Variants in GRID2 observed in about 807,000 individuals in gnomAD.
GRID2 encodes the protein glutamate ionotropic receptor delta type subunit 2, also known as glutamate receptor ionotropic, delta-2.
GRID2 carries 33 observed loss-of-function variants against 114.8 expected under a neutral mutation model. The observed-to-expected ratio is 0.29, with a 90% CI of 0.22 to 0.38. GRID2 has a LOEUF of 0.38. GRID2 is among the 10% of genes least tolerant of loss of function. GRID2 has a pLI of 1.00. For missense variants in GRID2, 1,184 were observed against 1,257.7 expected, an observed-to-expected ratio of 0.94 and a Z score of 0.89; for synonymous variants, 505 against 449.9, an observed-to-expected ratio of 1.12 and a Z score of -1.55.
At chr4:92,715,064 T>G (rs988147761) in intron 2 of GRID2, among the ~76,000 whole-genome samples, 2 of 152,194 alleles carry the variant, frequency 1.3e-5, no homozygotes, top group African/African-American at 2.4e-5. Context: ...CTCTTTCCCT[T>G]ATGACATTGA....
chr4:93,496,022 T>A (rs898085211), intron 12 of GRID2, among the ~76,000 whole-genome samples: 2 of 151,666 alleles, frequency 1.3e-5, no homozygotes, highest in Non-Finnish European at 2.9e-5. Context: ...AGGTCTACTA[T>A]TCGTGGGCCC....
chr4:92,736,032 A>G (rs1181947140), intron 2 of GRID2, among the ~76,000 whole-genome samples: 1 of 152,130 alleles, frequency 6.6e-6, no homozygotes, highest in Admixed American at 6.6e-5. Context: ...GAACCTGCAA[A>G]TATGTTAACT....
chr4:92,588,424 G>A (rs200103168), intron 1 of GRID2, among the ~76,000 whole-genome samples: 1 of 151,384 alleles, frequency 6.6e-6, no homozygotes, highest in African/African-American at 2.4e-5. Flanking sequence ...CGCCTGTAAT[G>A]CCAGCACTTT....
chr4:93,086,404 A>G (rs1189024299), intron 3 of GRID2, among the ~76,000 whole-genome samples: 1 of 152,212 alleles, frequency 6.6e-6, no homozygotes, highest in Non-Finnish European at 1.5e-5. Context: ...AGTGCCATCA[A>G]TAGAATTGAG....
intron 2 of GRID2, among the ~76,000 whole-genome samples, chr4:93,083,559 G>A (rs1271462151): frequency 6.6e-6 from 1 of 151,862 alleles, no homozygotes; most frequent in Admixed American, 6.6e-5. Flanking sequence ...AGCTGGGCTT[G>A]GTGGCACAGG....
rs1184003180 is a variant in GRID2 at position 93,638,301 on chromosome 4, C to CTT, written c.2360+11883_2360+11884dup. Among the ~76,000 whole-genome samples the CTT allele has an allele frequency of 5.2e-5, 4 of 77,314 alleles. 1 individual carries two copies. The highest frequency in any genetic ancestry group is 1.4e-4 in the African/African-American group (2 of 14,760). The allele number at this position is 77,314 out of a possible 152,430, so 50.7% of individuals were successfully genotyped here. A position where few individuals can be genotyped will look rare whatever the true frequency, so the allele number is the denominator to read the frequency against. On this transcript the variant is annotated intron_variant, in intron 14 of 15. Coordinates refer to ENST00000282020, the MANE Select transcript of GRID2 (RefSeq NM_001510.4). ...AAGAAAACATATTTAAAACTTGCATCTTTTTTTTTTTTTTTTTTAATTATA... is the reference window on the plus strand; with the variant it reads ...AAGAAAACATATTTAAAACTTGCATCTTTTTTTTTTTTTTTTTTTTAATTATA...
intron 13 of GRID2, among the ~76,000 whole-genome samples, chr4:93,608,312 T>TTTTA (rs1740526034): frequency 8.5e-6 from 1 of 117,468 alleles, no homozygotes; most frequent in Non-Finnish European, 1.7e-5. Context: ...TTTTTTTTAA[T>TTTTA]TTTTTTTTTT....
rs542695724 is a variant in GRID2 at position 93,547,978 on chromosome 4, A to C, written c.2193+32567A>C. Among the ~76,000 whole-genome samples the C allele has an allele frequency of 1.6e-4, 25 of 152,274 alleles. No individual in the cohort carries two copies. The East Asian group carries it at 4.1e-3, about 25-fold the overall frequency. ...GATCACCTGAGGTCAGGAGTTCCAGACCAGCCTGACCAAGATGGCGAAACC... is the reference window on the plus strand; with the variant it reads ...GATCACCTGAGGTCAGGAGTTCCAGCCCAGCCTGACCAAGATGGCGAAACC... On this transcript the variant is annotated intron_variant, in intron 13 of 15. Transcript: ENST00000282020.
chr4:93,051,175 A>G (rs944684308), intron 2 of GRID2, among the ~76,000 whole-genome samples: 2 of 152,066 alleles, frequency 1.3e-5, no homozygotes, highest in Non-Finnish European at 2.9e-5. Context: ...ATTAAAACTC[A>G]TTAATAGGCA....
chr4:93,211,229 C>T (rs546580250), intron 5 of GRID2, among the ~76,000 whole-genome samples: 1 of 151,978 alleles, frequency 6.6e-6, no homozygotes. Context: ...CTGTTTAAGA[C>T]TCAATTTGTA....
intron 8 of GRID2, among the ~76,000 whole-genome samples, chr4:93,364,240 T>C (rs570205624): frequency 1.3e-5 from 2 of 152,264 alleles, no homozygotes; most frequent in African/African-American, 4.8e-5. Flanking sequence ...AATCTGTTTT[T>C]GTGCTTAGAC....
At chr4:93,600,744 C>G (rs1242016724) in intron 13 of GRID2, among the ~76,000 whole-genome samples, 1 of 152,152 alleles carries the variant, frequency 6.6e-6, no homozygotes, top group Non-Finnish European at 1.5e-5. Context: ...AAACTTCCAT[C>G]CATAAAAGAC....
At chr4:92,529,226 T>G (rs1055673487) in intron 1 of GRID2, among the ~76,000 whole-genome samples, 6 of 152,006 alleles carry the variant, frequency 3.9e-5, no homozygotes, top group African/African-American at 1.4e-4. Flanking sequence ...GCATTGAAGT[T>G]TTGGCAATAA....
rs1048922199 is a variant in GRID2, at chr4:93,111,020, A to G, written c.735+67A>G. ...TTAAAAGCTTTGGAATAGACCCTAC[A>G]GAGGAGATGAAAATTAAGAGCAGTG... On this transcript the variant is annotated intron_variant, in intron 4 of 15. Coordinates refer to ENST00000282020, the MANE Select transcript of GRID2 (RefSeq NM_001510.4). The G allele has an allele frequency of 3.6e-5, 35 of 972,156 alleles. 1 individual carries two copies. The Middle Eastern group carries it at 2.4e-3, about 65-fold the overall frequency. 60.2% of individuals were successfully genotyped at this position (972,156 alleles called of 1,614,324 possible). A position where few individuals can be genotyped will look rare whatever the true frequency, so the allele number is the denominator to read the frequency against.
At chr4:93,361,747 G>C (rs2149275753) in intron 8 of GRID2, among the ~76,000 whole-genome samples, 1 of 152,194 alleles carries the variant, frequency 6.6e-6, no homozygotes, top group South Asian at 2.1e-4. Flanking sequence ...ATGAAAGACA[G>C]ACACTATGTA....
At chr4:92,886,951 A>G (rs572789473) in intron 2 of GRID2, among the ~76,000 whole-genome samples, 86 of 149,430 alleles carry the variant, frequency 5.8e-4, no homozygotes, top group Middle Eastern at 3.5e-3. Context: ...TTTTTGGGGG[A>G]AAAAAAAAAC....
intron 1 of GRID2, among the ~76,000 whole-genome samples, chr4:92,549,933 AG>A (rs1442435770): frequency 6.6e-6 from 1 of 152,142 alleles, no homozygotes; most frequent in African/African-American, 2.4e-5. Context: ...GCTTTTTGGT[AG>A]GGTAAAACTC....
chr4:92,340,218 C>T (rs1296468718), intron 1 of GRID2, among the ~76,000 whole-genome samples: 3 of 152,084 alleles, frequency 2.0e-5, no homozygotes, highest in Admixed American at 1.3e-4. Context: ...CCCACCTCAC[C>T]CCCATCATCT....
chr4:93,483,747 A>G (rs1432630294), intron 11 of GRID2, among the ~76,000 whole-genome samples: 1 of 151,898 alleles, frequency 6.6e-6, no homozygotes. Context: ...GGTCAAGAGG[A>G]TTTTCCTTAA....
Sources: gnomAD v4.1 joint callset for allele counts (sites outside exome capture counted in the v4.1 genomes callset) on GRCh38, gnomAD v4.1.1 for gene constraint, MANE v1.5 for transcripts, NCBI Gene and HGNC (gene_info 2026-07-23, HGNC 2026-07-21) for gene names.